The following SFXN5 variants were observed in gnomAD, a reference collection of about 807,000 sequenced individuals.
SFXN5 encodes sideroflexin-5.
A neutral mutation model predicts 50.2 loss-of-function variants in SFXN5; 43 were observed. The observed-to-expected ratio is 0.86, with a 90% CI of 0.67 to 1.11. The LOEUF is 1.11. SFXN5 is among the 50% of genes least tolerant of loss of function. SFXN5 has a pLI of 0.00. For missense variants in SFXN5, 463 were observed against 454.1 expected (o/e 1.02, Z -0.18); for synonymous variants, 203 against 185.8 (o/e 1.09, Z -0.75).
chr2:72,991,371 C>T (rs543353877), intron 9 of SFXN5, among the ~76,000 whole-genome samples: 83 of 152,400 alleles, frequency 5.4e-4, no homozygotes, highest in Non-Finnish European at 9.1e-4. Flanking sequence ...TTTCTGAGAG[C>T]ATGGCCAACG....
intron 6 of SFXN5, among the ~76,000 whole-genome samples, chr2:73,001,824 C>T (rs530007282): frequency 3.9e-5 from 6 of 152,238 alleles, no homozygotes; most frequent in East Asian, 1.9e-4. Context: ...TAACGATATA[C>T]ACAAACACAT....
rs1313883251 is a variant in SFXN5, at chr2:72,950,779, C to T, written c.946-5680G>A. On this transcript the variant is annotated intron_variant, in intron 13 of 13. Coordinates refer to ENST00000272433, the MANE Select transcript of SFXN5 (RefSeq NM_144579.3). The surrounding 1 kb of genome is among the most constrained non-coding windows in gnomAD (Gnocchi z 4.2). ...TAAAGCATCTCTTCCTGCTGCCCAACCAACTCCACCCCGCAGAAGGCCAGA... is the reference window on the plus strand; with the variant it reads ...TAAAGCATCTCTTCCTGCTGCCCAATCAACTCCACCCCGCAGAAGGCCAGA... Among the ~76,000 whole-genome samples, 2 of 152,264 alleles carry T rather than the reference C, an allele frequency of 1.3e-5. No homozygotes were observed. The highest frequency in any genetic ancestry group is 4.8e-5 in the African/African-American group (2 of 41,468).
At position 72,945,726 on chromosome 2, in the gene SFXN5, C is replaced by A. The variant is rs1157764323; in HGVS notation, c.946-627G>T. Among the ~76,000 whole-genome samples, 2 of 152,072 alleles carry A rather than the reference C, an allele frequency of 1.3e-5. No individual in the cohort carries two copies. The highest frequency in any genetic ancestry group is 4.8e-5 in the African/African-American group (2 of 41,400). Reference sequence around the variant, plus strand: ...CTGGCAGAAGCCCTGCTTCGGAGAACCCCACCATGCACCCCACTCCTACTT... The same window carrying A: ...CTGGCAGAAGCCCTGCTTCGGAGAAACCCACCATGCACCCCACTCCTACTT... On this transcript the variant is annotated intron_variant, in intron 13 of 13. Coordinates refer to ENST00000272433, the MANE Select transcript of SFXN5 (RefSeq NM_144579.3). This position sits in a 1 kb window ranked among gnomAD's most constrained non-coding sequence, Gnocchi z 5.8.
intron 2 of SFXN5, among the ~76,000 whole-genome samples, chr2:73,052,481 C>T (rs1681498646): frequency 1.3e-5 from 2 of 151,710 alleles, no homozygotes; most frequent in Non-Finnish European, 2.9e-5. Context: ...CTCTCATCTC[C>T]CACAGTGAAA....
intron 3 of SFXN5, among the ~76,000 whole-genome samples, chr2:73,023,795 C>T (rs1574147819): frequency 6.6e-6 from 1 of 151,300 alleles, no homozygotes; most frequent in Non-Finnish European, 1.5e-5. Flanking sequence ...TAAGTGCTTA[C>T]TGTTGCTGAC....
chr2:72,947,126 C>T (rs1463855108), intron 13 of SFXN5, among the ~76,000 whole-genome samples: 1 of 152,226 alleles, frequency 6.6e-6, no homozygotes. Flanking sequence ...CCATAGCTCC[C>T]TGAACTTCTC....
rs190340977 is a variant in SFXN5, at chr2:73,042,740, C to T, written c.172-1809G>A. 1.8e-3 allele frequency among the ~76,000 whole-genome samples: 267 copies of T among 150,418 alleles called. 1 individual carries two copies. The highest frequency in any genetic ancestry group is 0.016 in the East Asian group (84 of 5,092). On this transcript the variant is annotated intron_variant, in intron 2 of 13. Transcript: ENST00000272433. ...CTGGGAGGTTGAGGCTACAGTGAGC[C>T]GTGTTTGCACCACCACACTCCAGCA...
At chr2:73,050,435 GCAC>G (rs1681151560) in intron 2 of SFXN5, among the ~76,000 whole-genome samples, 2 of 113,018 alleles carry the variant, frequency 1.8e-5, no homozygotes, top group African/African-American at 8.6e-5. Flanking sequence ...TGCAGAGTTA[GCAC>G]CACATGGATG....
chr2:73,047,915 G>A (rs952200263), intron 2 of SFXN5, among the ~76,000 whole-genome samples: 1 of 152,232 alleles, frequency 6.6e-6, no homozygotes, highest in South Asian at 2.1e-4. Context: ...GATATTTATT[G>A]CAATATTATT....
chr2:73,021,578 C>T (rs986499158), intron 5 of SFXN5, among the ~76,000 whole-genome samples: 1 of 152,208 alleles, frequency 6.6e-6, no homozygotes, highest in Non-Finnish European at 1.5e-5. Context: ...TACACAATGA[C>T]ATCACATGTC....
Position 73,001,431 on chromosome 2 carries a change from C to G in SFXN5, c.411+94G>C, listed in dbSNP as rs1673895585. 3 of 1,346,974 alleles carry G rather than the reference C, an allele frequency of 2.2e-6. No individual in the cohort carries two copies. The East Asian group carries it at 6.9e-5, about 31-fold the overall frequency. 83.4% of individuals were successfully genotyped at this position (1,346,974 alleles called of 1,614,324 possible). A position where few individuals can be genotyped will look rare whatever the true frequency, so the allele number is the denominator to read the frequency against. ...GGGGTGGACTGACCCTACACGGGGT[C>G]TGGACGGGGCAGGAGACACCACAGC... On this transcript the variant is annotated intron_variant, in intron 7 of 13. Transcript: ENST00000272433.
chr2:73,060,668 A>G (rs1024014077), intron 1 of SFXN5, among the ~76,000 whole-genome samples: 8 of 151,792 alleles, frequency 5.3e-5, no homozygotes, highest in Non-Finnish European at 1.2e-4. Context: ...GAATATAATT[A>G]CTACACTGCG....
At chr2:73,060,191 G>A (rs936465616) in intron 1 of SFXN5, among the ~76,000 whole-genome samples, 2 of 152,126 alleles carry the variant, frequency 1.3e-5, no homozygotes, top group Admixed American at 6.5e-5. Flanking sequence ...CTGGGGTAGG[G>A]AGGGTACAAG....
At chr2:72,946,211 T>C (rs1470955985) in intron 13 of SFXN5, among the ~76,000 whole-genome samples, 1 of 152,038 alleles carries the variant, frequency 6.6e-6, no homozygotes, top group Non-Finnish European at 1.5e-5. Flanking sequence ...AGGAACCTTC[T>C]CTGATGACAC....
intron 6 of SFXN5, 25 bp from the exon 7 acceptor site, chr2:73,001,603 T>C (rs752676659): frequency 6.2e-7 from 1 of 1,612,938 alleles, no homozygotes; most frequent in Non-Finnish European, 8.5e-7. Flanking sequence ...GAAGAAATGC[T>C]GAAAAAGGCA....
chr2:72,962,987 G>A (rs907656335), intron 12 of SFXN5, among the ~76,000 whole-genome samples: 52 of 152,176 alleles, frequency 3.4e-4, no homozygotes, highest in African/African-American at 1.2e-3. Flanking sequence ...GCTAGCCCAT[G>A]CCCGCCTGGA....
chr2:72,971,811 A>G (rs1269886934), intron 10 of SFXN5, 126 bp from the exon 11 acceptor site: 4 of 683,926 alleles, frequency 5.8e-6, no homozygotes. Context: ...GGCAAAGGTT[A>G]GGGAAGGGGT....
intron 2 of SFXN5, among the ~76,000 whole-genome samples, chr2:73,048,582 A>G (rs1680813355): frequency 6.6e-6 from 1 of 152,216 alleles, no homozygotes; most frequent in Non-Finnish European, 1.5e-5. Context: ...AGCAGGTTGG[A>G]TGATGAGCAG....
intron 8 of SFXN5, among the ~76,000 whole-genome samples, chr2:72,999,749 C>A (rs568037603): frequency 6.6e-6 from 1 of 152,286 alleles, no homozygotes; most frequent in Non-Finnish European, 1.5e-5. Flanking sequence ...CCAAGGTGAG[C>A]AAATGTTAGG....
Sources: gnomAD v4.1 joint callset for allele counts (sites outside exome capture counted in the v4.1 genomes callset) on GRCh38, gnomAD v4.1.1 for gene constraint, Gnocchi (gnomAD v3.1) non-coding constraint, MANE v1.5 for transcripts, NCBI Gene and HGNC (gene_info 2026-07-23, HGNC 2026-07-21) for gene names.